The following SLC39A10 variants were observed in gnomAD, a reference collection of about 807,000 sequenced individuals.
The protein encoded by SLC39A10 is solute carrier family 39 member 10.
SLC39A10 carries 13 observed loss-of-function variants against 65.1 expected under a neutral mutation model. The ratio of observed to expected loss-of-function variants is 0.20; its 90% CI spans 0.13 to 0.32. The LOEUF is 0.32. Among genes scored for constraint, SLC39A10 ranks in the 10% least tolerant of loss-of-function variants. The probability of loss-of-function intolerance (pLI) is 1.00; values close to 1 mark genes in which losing one functional copy is unlikely to be tolerated. For synonymous variants in SLC39A10, 321 were observed against 342.2 expected, an observed-to-expected ratio of 0.94 and a Z score of 0.68; for missense variants, 831 against 1,018.4, an observed-to-expected ratio of 0.82 and a Z score of 2.50.
chr2:195,707,778 C>T (rs1341128914), intron 4 of SLC39A10, among the ~76,000 whole-genome samples: 6 of 152,106 alleles, frequency 3.9e-5, no homozygotes, highest in African/African-American at 1.4e-4. Flanking sequence ...GAAGGGTTAA[C>T]TAAACCTAGC....
chr2:195,642,044 A>G (rs565957410), intron 2 of SLC39A10, among the ~76,000 whole-genome samples: 5 of 152,262 alleles, frequency 3.3e-5, no homozygotes, highest in South Asian at 2.1e-4. Context: ...CAGAGATAAT[A>G]TGGGAGCAGA....
intron 1 of SLC39A10, among the ~76,000 whole-genome samples, chr2:195,670,027 T>C (rs1486158220): frequency 6.6e-6 from 1 of 151,826 alleles, no homozygotes; most frequent in African/African-American, 2.4e-5. Context: ...GGTGTGGTGG[T>C]GTGTGCCTGT....
intron 1 of SLC39A10, among the ~76,000 whole-genome samples, chr2:195,666,434 G>A (rs1185113462): frequency 6.6e-6 from 1 of 152,160 alleles, no homozygotes; most frequent in Non-Finnish European, 1.5e-5. Flanking sequence ...AGGTAGTGCA[G>A]CAGTAGCTAT....
At chr2:195,708,935 T>G (rs2105814433) in intron 5 of SLC39A10, 91 bp downstream of exon 5, 1 of 912,338 alleles carries the variant, frequency 1.1e-6, no homozygotes, top group East Asian at 2.8e-5. Flanking sequence ...AATTATGATG[T>G]TGGTGTGTAT....
intron 1 of SLC39A10, chr2:195,674,644 T>A: frequency 4.1e-6 from 4 of 985,198 alleles, no homozygotes; most frequent in Non-Finnish European, 4.8e-6. Flanking sequence ...GAGTATTGCC[T>A]CTCCCACATA....
At chr2:195,723,433 C>A (rs949515340) in intron 8 of SLC39A10, among the ~76,000 whole-genome samples, 8 of 152,036 alleles carry the variant, frequency 5.3e-5, no homozygotes, top group Non-Finnish European at 1.0e-4. Flanking sequence ...ATGTTGGGGA[C>A]CATCCAGAGG....
intron 2 of SLC39A10, among the ~76,000 whole-genome samples, chr2:195,620,960 G>A (rs1365311151): frequency 6.6e-6 from 1 of 152,040 alleles, no homozygotes; most frequent in Non-Finnish European, 1.5e-5. Flanking sequence ...GCCTGACTCT[G>A]GTATCTCAGA....
At chr2:195,694,798 G>GGGGC (rs1260699936) in intron 3 of SLC39A10, among the ~76,000 whole-genome samples, 5 of 152,166 alleles carry the variant, frequency 3.3e-5, no homozygotes, top group African/African-American at 1.2e-4. Context: ...GGCGATGGGT[G>GGGGC]GGGCTATAGA....
At chr2:195,652,795 C>G (rs10931704), upstream of SLC39A10, among the ~76,000 whole-genome samples, 91,228 of 151,620 alleles carry the variant, frequency 0.6, 28,205 homozygotes, top group Non-Finnish European at 0.69. Flanking sequence ...GGGTGCATGG[C>G]CTGTTAGGAA....
Position 195,713,351 on chromosome 2 carries a change from G to C in SLC39A10, c.1576-82G>C. 2.7e-6 allele frequency: 3 copies of C among 1,105,650 alleles called. No homozygotes were observed. In the South Asian group the frequency reaches 7.7e-5, roughly 28 times the overall value. 68.5% of individuals were successfully genotyped at this position (1,105,650 alleles called of 1,614,324 possible). A position where few individuals can be genotyped will look rare whatever the true frequency, so the allele number is the denominator to read the frequency against. The stretch of plus-strand genomic sequence containing the variant: ...AAAGTTAACACCATTTTTACCTGTA[G>C]GTGTTAATGAGTCAATATTGTTGCT... On this transcript the variant is annotated intron_variant, in intron 5 of 9. Coordinates refer to ENST00000359634, the MANE Select transcript of SLC39A10 (RefSeq NM_020342.3).
intron 5 of SLC39A10, among the ~76,000 whole-genome samples, chr2:195,709,741 T>A (rs1330639815): frequency 6.6e-6 from 1 of 152,172 alleles, no homozygotes; most frequent in Non-Finnish European, 1.5e-5. Context: ...GATACAGCAG[T>A]CTCAGTTTCA....
intron 1 of SLC39A10, among the ~76,000 whole-genome samples, chr2:195,659,531 A>C (rs1045799555): frequency 3.3e-5 from 5 of 152,202 alleles, no homozygotes; most frequent in African/African-American, 1.2e-4. Context: ...TTCTGATTAG[A>C]GAAATTTACC....
intron 2 of SLC39A10, among the ~76,000 whole-genome samples, chr2:195,632,465 A>T (rs1010290550): frequency 6.6e-6 from 1 of 150,604 alleles, no homozygotes; most frequent in Non-Finnish European, 1.5e-5. Flanking sequence ...ACGCCTGGTT[A>T]ATTTTGTATT....
chr2:195,672,060 T>G (rs1296557673), intron 1 of SLC39A10, among the ~76,000 whole-genome samples: 1 of 152,202 alleles, frequency 6.6e-6, no homozygotes, highest in Non-Finnish European at 1.5e-5. Context: ...CACTGCCTTT[T>G]GAGAGGGGTC....
intron 1 of SLC39A10, chr2:195,658,272 G>T (rs1181273527): frequency 1.3e-5 from 2 of 152,214 alleles, no homozygotes; most frequent in African/African-American, 4.8e-5. Context: ...TCACGTGGGA[G>T]CCTGTCCACA....
chr2:195,620,041 G>C (rs1688319212), intron 2 of SLC39A10, among the ~76,000 whole-genome samples: 1 of 152,140 alleles, frequency 6.6e-6, no homozygotes, highest in Admixed American at 6.5e-5. Context: ...TCTTACCTCA[G>C]CCTCCCAAGT....
intron 2 of SLC39A10, among the ~76,000 whole-genome samples, chr2:195,683,296 T>C (rs1173562959): frequency 2.0e-5 from 3 of 152,060 alleles, no homozygotes; most frequent in African/African-American, 7.2e-5. Flanking sequence ...AATGAAAATG[T>C]CTATATAAGC....
chr2:195,650,236 C>T (rs1183816070), intron 2 of SLC39A10, among the ~76,000 whole-genome samples: 1 of 149,588 alleles, frequency 6.7e-6, no homozygotes, highest in Admixed American at 6.6e-5. Flanking sequence ...GAGCCGAGAT[C>T]CCACCACTGC....
rs1322210098 is a variant in SLC39A10, at chr2:195,710,539, GA to G, written c.1575+1696del. ...CAGATCTCTGAACTGGGATTCATGG[GA>G]GTGATTCTGGTTTACATAAAACTTA... On this transcript the variant is annotated intron_variant, in intron 5 of 9. Coordinates refer to ENST00000359634, the MANE Select transcript of SLC39A10 (RefSeq NM_020342.3). Among the ~76,000 whole-genome samples, 9 of 152,218 alleles carry G rather than the reference GA, an allele frequency of 5.9e-5. No individual in the cohort carries two copies. The East Asian group carries it at 1.7e-3, about 29-fold the overall frequency.
Sources: gnomAD v4.1 joint callset for allele counts (sites outside exome capture counted in the v4.1 genomes callset) on GRCh38, gnomAD v4.1.1 for gene constraint, MANE v1.5 for transcripts, NCBI Gene and HGNC (gene_info 2026-07-23, HGNC 2026-07-21) for gene names.